The following HMG20A variants were observed in gnomAD, a reference collection of about 807,000 sequenced individuals.
HMG20A encodes high mobility group protein 20A.
Under a neutral mutation model 43.9 loss-of-function variants are expected in HMG20A, and 17 were observed. The ratio of observed to expected loss-of-function variants is 0.39; its 90% CI spans 0.27 to 0.58. The LOEUF (loss-of-function observed/expected upper bound fraction) is 0.58. Ranked by LOEUF, HMG20A falls within the 20% of genes least tolerant of loss-of-function variation. HMG20A has a pLI of 0.59. For synonymous variants in HMG20A, 132 were observed against 147.5 expected (o/e 0.89, Z 0.76); for missense variants, 341 against 438.2 (o/e 0.78, Z 1.98).
chr15:77,434,517 T>C (rs770810945), intron 1 of HMG20A, among the ~76,000 whole-genome samples: 4 of 152,096 alleles, frequency 2.6e-5, no homozygotes, highest in Non-Finnish European at 5.9e-5. Flanking sequence ...GTAGAGCTCT[T>C]ACAGATAAAT....
At chr15:77,470,887 A>C in intron 4 of HMG20A, 23 bp from the exon 5 acceptor site, 1 of 1,545,066 alleles carries the variant, frequency 6.5e-7, no homozygotes, top group Non-Finnish European at 8.7e-7. Context: ...TTTCTTGAAA[A>C]TAATTCTGTA....
intron 1 of HMG20A, among the ~76,000 whole-genome samples, chr15:77,431,657 C>T (rs538327825): frequency 6.6e-6 from 1 of 152,280 alleles, no homozygotes; most frequent in South Asian, 2.1e-4. Context: ...GGTAAAAACA[C>T]TGAGCATCTA....
At chr15:77,437,180 C>T (rs573031503) in intron 1 of HMG20A, among the ~76,000 whole-genome samples, 27 of 152,296 alleles carry the variant, frequency 1.8e-4, no homozygotes, top group Non-Finnish European at 2.9e-4. Context: ...TCTTTTCCTT[C>T]AGAGCATTTT....
the HMG20A span, among the ~76,000 whole-genome samples, chr15:77,511,579 G>A: frequency 6.6e-6 from 1 of 152,180 alleles, no homozygotes; most frequent in African/African-American, 2.4e-5. Context: ...TCCAACAACA[G>A]AAGAAACAAC....
chr15:77,469,339 G>A (rs368180619), intron 4 of HMG20A, among the ~76,000 whole-genome samples: 7 of 151,404 alleles, frequency 4.6e-5, no homozygotes, highest in East Asian at 3.9e-4. Flanking sequence ...TGGTTACAAC[G>A]TGATGATTTT....
chr15:77,491,397 T>G, the HMG20A span, among the ~76,000 whole-genome samples: 1 of 152,246 alleles, frequency 6.6e-6, no homozygotes, highest in African/African-American at 2.4e-5. Flanking sequence ...TGAAGTAGAC[T>G]TATGTTATAT....
intron 4 of HMG20A, among the ~76,000 whole-genome samples, chr15:77,468,560 C>A (rs1275348945): frequency 6.7e-6 from 1 of 150,192 alleles, no homozygotes; most frequent in Admixed American, 6.7e-5. Context: ...TATACTTTTG[C>A]ATGCTCAGTC....
chr15:77,506,130 G>T, the HMG20A span, among the ~76,000 whole-genome samples: 1 of 146,974 alleles, frequency 6.8e-6, no homozygotes, highest in African/African-American at 2.5e-5. Flanking sequence ...AGTTAAATTT[G>T]AATTTCAGAT....
the HMG20A span, among the ~76,000 whole-genome samples, chr15:77,494,320 G>A: frequency 1.2e-3 from 188 of 152,080 alleles, 1 homozygote; most frequent in African/African-American, 4.4e-3. Flanking sequence ...TATAGAGATG[G>A]GGGTCTCACT....
chr15:77,465,052 G>A (rs1220957346), intron 3 of HMG20A, among the ~76,000 whole-genome samples: 3 of 151,836 alleles, frequency 2.0e-5, no homozygotes, highest in Non-Finnish European at 4.4e-5. Context: ...CTGAGGTCAG[G>A]AGTTCAAGAC....
At chr15:77,504,772 G>T in the HMG20A span, among the ~76,000 whole-genome samples, 1 of 152,112 alleles carries the variant, frequency 6.6e-6, no homozygotes, top group African/African-American at 2.4e-5. Flanking sequence ...CGTTACAAAT[G>T]GGGGGATGCA....
chr15:77,442,279 G>T (rs2073620874), intron 1 of HMG20A, among the ~76,000 whole-genome samples: 2 of 152,138 alleles, frequency 1.3e-5, no homozygotes, highest in African/African-American at 4.8e-5. Context: ...CATAAATTGA[G>T]TTAGAACTTC....
Position 77,471,034 on chromosome 15 carries a change from A to T in HMG20A, c.575A>T (p.His192Leu). 1 of 1,599,348 alleles carries T rather than the reference A, an allele frequency of 6.3e-7. No homozygotes were observed. Among genetic ancestry groups the T allele is most frequent in the South Asian group, 1.1e-5 (1 of 89,962 alleles). Residue 192 changes from histidine (H) to leucine (L), a missense_variant, in exon 5 of 10, where the codon CAT becomes CTT. Coordinates refer to ENST00000336216, the MANE Select transcript of HMG20A (RefSeq NM_001304504.2). Reference protein sequence around the residue: ...KTQDRQKGKSHRQDAARQATH... With the variant: ...KTQDRQKGKSLRQDAARQATH... ...CAGGACCGTCAGAAAGGCAAATCTCATAGGCAAGGTATCAAAACCAGAACC... is the reference window on the plus strand; with the variant it reads ...CAGGACCGTCAGAAAGGCAAATCTCTTAGGCAAGGTATCAAAACCAGAACC...
At position 77,478,286 on chromosome 15, in the gene HMG20A, T is replaced by C. The variant is rs374337964; in HGVS notation, c.692-9T>C. On this transcript the variant is annotated splice_polypyrimidine_tract_variant and intron_variant, in intron 7 of 9. Transcript: ENST00000336216. ...TGCTGCATGTGTTCTGTGGGATGTATGTCCTCAGCTCGGGAAGCAGAGCTC... is the reference window on the plus strand; with the variant it reads ...TGCTGCATGTGTTCTGTGGGATGTACGTCCTCAGCTCGGGAAGCAGAGCTC... The C allele has an allele frequency of 1.9e-6, 3 of 1,612,924 alleles. No individual in the cohort carries two copies. Among genetic ancestry groups the C allele is most frequent in the Non-Finnish European group, 2.5e-6 (3 of 1,179,914 alleles).
At chr15:77,504,310 G>A in the HMG20A span, among the ~76,000 whole-genome samples, 1 of 152,206 alleles carries the variant, frequency 6.6e-6, no homozygotes, top group Non-Finnish European at 1.5e-5. Flanking sequence ...TGAGCAGGGC[G>A]TTCTTCCTTG....
rs1396011847 is a variant in HMG20A, at chr15:77,468,377, G to GTT, written c.450+1072_450+1073dup. Among the ~76,000 whole-genome samples the GTT allele has an allele frequency of 2.0e-5, 3 of 152,036 alleles. No individual in the cohort carries two copies. The East Asian group carries it at 5.8e-4, about 29-fold the overall frequency. On this transcript the variant is annotated intron_variant, in intron 4 of 9. Coordinates refer to ENST00000336216, the MANE Select transcript of HMG20A (RefSeq NM_001304504.2). The stretch of plus-strand genomic sequence containing the variant: ...CTATTACGTAGGACAAAGGTTTTGT[G>GTT]TTTGTTTTTGTTTTTTTAACTTTTT...
chr15:77,486,646 G>C (rs959219995), downstream of HMG20A, among the ~76,000 whole-genome samples: 1 of 152,144 alleles, frequency 6.6e-6, no homozygotes, highest in Non-Finnish European at 1.5e-5. Context: ...AAATCCTAGG[G>C]GTGAGGCAAC....
chr15:77,434,989 A>T (rs771318857), intron 1 of HMG20A, among the ~76,000 whole-genome samples: 1 of 152,192 alleles, frequency 6.6e-6, no homozygotes, highest in Non-Finnish European at 1.5e-5. Flanking sequence ...TAGAATGGGT[A>T]AACAAATGTT....
Position 77,477,543 on chromosome 15 carries a change from C to CTT in HMG20A, c.616-11_616-10dup. 1 of 1,587,098 alleles carries CTT rather than the reference C, an allele frequency of 6.3e-7. No homozygotes were observed. The highest frequency in any genetic ancestry group is 8.6e-7 in the Non-Finnish European group (1 of 1,156,976). ...ATTAAGAATTAACTGTTTTGTTCCT[C>CTT]TTGATTCACAGAAAGAAACAGAGGT... On this transcript the variant is annotated splice_polypyrimidine_tract_variant and intron_variant, in intron 6 of 9. Transcript: ENST00000336216.
Sources: allele counts gnomAD v4.1 joint callset (sites outside exome capture counted in the v4.1 genomes callset), GRCh38; gene constraint gnomAD v4.1.1; transcripts MANE v1.5; gene names NCBI Gene and HGNC (gene_info 2026-07-23, HGNC 2026-07-21).